The following ZNF248 variants were observed in gnomAD, a reference collection of about 807,000 sequenced individuals.
ZNF248 encodes the protein KRAB protein domain.
ZNF248 carries 20 observed loss-of-function variants against 44.3 expected under a neutral mutation model. That is an observed-to-expected ratio of 0.45 (90% CI 0.32 to 0.66). ZNF248 has a LOEUF of 0.66. Among genes scored for constraint, ZNF248 ranks in the 30% least tolerant of loss-of-function variants. The pLI, the probability that ZNF248 is intolerant of heterozygous loss-of-function variation, is 0.04. For synonymous variants in ZNF248, 224 were observed against 229.0 expected (o/e 0.98, Z 0.20); for missense variants, 654 against 677.0 (o/e 0.97, Z 0.38).
downstream of ZNF248, among the ~76,000 whole-genome samples, chr10:37,824,371 C>T (rs1335134959): frequency 1.3e-5 from 2 of 151,952 alleles, no homozygotes; most frequent in Non-Finnish European, 2.9e-5. Flanking sequence ...ACAGATATAC[C>T]GAGAAGAATG....
At chr10:37,822,301 AC>A (rs1486398297) in intron 6 of ZNF248, among the ~76,000 whole-genome samples, 1 of 152,250 alleles carries the variant, frequency 6.6e-6, no homozygotes, top group Non-Finnish European at 1.5e-5. Flanking sequence ...ACAGAAAAAA[AC>A]ATTTAAATAA....
At chr10:37,827,428 T>G (rs2054551234), downstream of ZNF248, among the ~76,000 whole-genome samples, 1 of 152,172 alleles carries the variant, frequency 6.6e-6, no homozygotes, top group Non-Finnish European at 1.5e-5. Flanking sequence ...AAACATGGGA[T>G]AGCTTTATAT....
intron 3 of ZNF248, among the ~76,000 whole-genome samples, chr10:37,838,344 T>A (rs1240913627): frequency 6.6e-6 from 1 of 152,196 alleles, no homozygotes; most frequent in Non-Finnish European, 1.5e-5. Context: ...ATGGTCCCTG[T>A]TCCTAGAGTG....
intron 3 of ZNF248, among the ~76,000 whole-genome samples, chr10:37,852,973 T>C (rs1017123757): frequency 2.6e-5 from 4 of 152,052 alleles, no homozygotes; most frequent in Non-Finnish European, 5.9e-5. Flanking sequence ...GCGATTCTCC[T>C]GCCTCAGCCT....
the ZNF248 span, among the ~76,000 whole-genome samples, chr10:37,766,041 G>A: frequency 6.6e-6 from 1 of 152,256 alleles, no homozygotes. Flanking sequence ...AAACTGCAAG[G>A]TGGCAGCAAC....
chr10:37,818,953 T>C, intron 6 of ZNF248: 1 of 1,101,456 alleles, frequency 9.1e-7, no homozygotes, highest in Non-Finnish European at 1.4e-6. Flanking sequence ...ATTTGAGATC[T>C]TTGGTGGTTC....
the ZNF248 span, among the ~76,000 whole-genome samples, chr10:37,768,404 C>A: frequency 0.11 from 16,579 of 145,698 alleles, 1,164 homozygotes; most frequent in Admixed American, 0.2. Context: ...AAAAGAACAG[C>A]AATTATAACA....
downstream of ZNF248, chr10:37,776,481 T>G (rs1283967971): frequency 2.5e-6 from 1 of 397,896 alleles, no homozygotes; most frequent in Non-Finnish European, 4.4e-6. Context: ...AACGTTCAGG[T>G]TAGAGAAGCA....
chr10:37,854,396 A>G (rs895839780), intron 3 of ZNF248, among the ~76,000 whole-genome samples: 1 of 152,248 alleles, frequency 6.6e-6, no homozygotes, highest in African/African-American at 2.4e-5. Context: ...AGACAACCCA[A>G]AAGAAAAATA....
At chr10:37,813,019 CA>C (rs1269928346) in intron 6 of ZNF248, among the ~76,000 whole-genome samples, 2 of 117,090 alleles carry the variant, frequency 1.7e-5, no homozygotes, top group Non-Finnish European at 3.5e-5. Flanking sequence ...GTGGATATGG[CA>C]AAAAGAAAAA....
chr10:37,811,921 A>T (rs945401830), intron 6 of ZNF248, among the ~76,000 whole-genome samples: 1 of 151,384 alleles, frequency 6.6e-6, no homozygotes, highest in Non-Finnish European at 1.5e-5. Flanking sequence ...CGCAGCAGAC[A>T]AGTTCCCAGA....
At chr10:37,779,853 C>T (rs994357106) in intron 6 of ZNF248, among the ~76,000 whole-genome samples, 2 of 150,836 alleles carry the variant, frequency 1.3e-5, no homozygotes, top group Non-Finnish European at 3.0e-5. Flanking sequence ...AAATCACAAG[C>T]ATTTTTATAC....
intron 6 of ZNF248, among the ~76,000 whole-genome samples, chr10:37,778,556 CA>C (rs1202017282): frequency 6.6e-6 from 1 of 152,014 alleles, no homozygotes; most frequent in African/African-American, 2.4e-5. Context: ...TCCCATTTGT[CA>C]ATTTTGTCTT....
rs996015187 is a variant in ZNF248 at position 37,805,111 on chromosome 10, G to A, written c.330+27914C>T. Among the ~76,000 whole-genome samples the A allele has an allele frequency of 5.9e-5, 9 of 152,172 alleles. 1 individual carries two copies. Among genetic ancestry groups the A allele is most frequent in the Non-Finnish European group, 1.3e-4 (9 of 68,042 alleles). On this transcript the variant is annotated intron_variant, in intron 6 of 6. Transcript: ENST00000615949. ...TTGTATTTTTTGTATTTTCAAAGAT[G>A]TCGGAGAGTGGTAGAAGTAATGAGG...
In ZNF248 at chr10:37,831,895, G is replaced by A; in HGVS notation, c.1460C>T (p.Thr487Ile). The A allele has an allele frequency of 6.2e-7, 1 of 1,614,054 alleles. No individual in the cohort carries two copies. The highest frequency in any genetic ancestry group is 8.5e-7 in the Non-Finnish European group (1 of 1,179,972). ...SALTVHQRTH[T>I]GEKPFICNEC... ...ATTACATATAAACGGTTTCTCCCCTGTGTGTGTTCTCTGATGCACAGTGAG... is the reference window on the plus strand; with the variant it reads ...ATTACATATAAACGGTTTCTCCCCTATGTGTGTTCTCTGATGCACAGTGAG... The change falls in exon 6 of 6, where the codon ACA (threonine) becomes ATA (isoleucine). Residue 487 changes from threonine to isoleucine, a missense_variant. Thr to Ile is a moderately conservative substitution (Grantham distance 89, BLOSUM62 -1). Coordinates refer to ENST00000395867, the MANE Select transcript of ZNF248 (RefSeq NM_021045.3).
downstream of ZNF248, chr10:37,775,294 C>T (rs1479080920): frequency 2.7e-5 from 4 of 150,154 alleles, no homozygotes; most frequent in Non-Finnish European, 6.0e-5. Flanking sequence ...TCATGTTAAT[C>T]TTTTATCATT....
At chr10:37,822,409 C>A (rs780609413) in intron 6 of ZNF248, among the ~76,000 whole-genome samples, 2 of 151,766 alleles carry the variant, frequency 1.3e-5, no homozygotes, top group Non-Finnish European at 1.5e-5. Context: ...ATATATTAAA[C>A]AAAAATGAAA....
intron 5 of ZNF248, among the ~76,000 whole-genome samples, chr10:37,833,799 G>A (rs2056502401): frequency 6.6e-6 from 1 of 152,064 alleles, no homozygotes; most frequent in African/African-American, 2.4e-5. Flanking sequence ...CTCAAGACAT[G>A]ATAAACAGGA....
At position 37,831,317 on chromosome 10, in the gene ZNF248, G is replaced by A. The variant is rs1447049548; in HGVS notation, c.*298C>T. ...TTTTATAAGCTTCAGATTCCACTGT[G>A]AATATGGGTATAAATAAATATTGTC... On this transcript the variant is annotated 3_prime_UTR_variant, in exon 6 of 6. Transcript: ENST00000395867. 6.5e-7 allele frequency: 1 copy of A among 1,549,276 alleles called. No homozygotes were observed. The highest frequency in any genetic ancestry group is 2.5e-5 in the East Asian group (1 of 40,792).
Sources: gnomAD v4.1 joint callset for allele counts (sites outside exome capture counted in the v4.1 genomes callset) on GRCh38, gnomAD v4.1.1 for gene constraint, MANE v1.5 for transcripts, NCBI Gene and HGNC (gene_info 2026-07-23, HGNC 2026-07-21) for gene names.